The following SLC8A2 variants were observed in gnomAD, a reference collection of about 807,000 sequenced individuals.
The protein encoded by SLC8A2 is sodium/calcium exchanger 2.
In SLC8A2, 14 loss-of-function variants were observed where a neutral mutation model predicts 70.2. The observed-to-expected ratio is 0.20, with a 90% CI of 0.13 to 0.31. SLC8A2 has a LOEUF of 0.31. Among genes scored for constraint, SLC8A2 ranks in the 10% least tolerant of loss-of-function variants. SLC8A2 has a pLI of 1.00. For missense variants in SLC8A2, 779 were observed against 1,320.1 expected (o/e 0.59, Z 6.35); for synonymous variants, 575 against 594.3 (o/e 0.97, Z 0.47).
intron 1 of SLC8A2, 99 bp downstream of exon 1, chr19:47,471,690 G>A (rs1018417717): frequency 2.6e-5 from 4 of 152,042 alleles, no homozygotes; most frequent in Non-Finnish European, 4.4e-5. Flanking sequence ...CCAGCCCAGG[G>A]AAGCCAGCTC....
intron 2 of SLC8A2, among the ~76,000 whole-genome samples, 181 bp from the exon 3 acceptor site, chr19:47,457,775 C>CTT (rs774223167): frequency 0.021 from 2,953 of 141,896 alleles, 59 homozygotes; most frequent in Middle Eastern, 0.035. Context: ...TCCTTTCTTT[C>CTT]TTTTTCTTTT....
At chr19:47,451,469 T>A (rs1164686215) in intron 3 of SLC8A2, among the ~76,000 whole-genome samples, 1 of 151,852 alleles carries the variant, frequency 6.6e-6, no homozygotes, top group African/African-American at 2.4e-5. Context: ...CCACCACATC[T>A]GGCTAATTTT....
In SLC8A2 at chr19:47,466,383, C is replaced by A; in HGVS notation, c.21G>T (p.Val7=). Residue 7 remains valine (V), a synonymous_variant, in exon 2 of 10, where the codon GTG becomes GTT. Transcript: ENST00000236877. This position sits in a 1 kb window ranked among gnomAD's most constrained non-coding sequence, Gnocchi z 6.9. MAPLAL[V]GVTLLLAAPP... ...GAGCCGCCAGGAGGAGTGTGACCCCCACCAAGGCCAGGGGAGCCATGGGGG... is the reference window on the plus strand; with the variant it reads ...GAGCCGCCAGGAGGAGTGTGACCCCAACCAAGGCCAGGGGAGCCATGGGGG... 7.0e-7 allele frequency: 1 copy of A among 1,429,508 alleles called. No homozygotes were observed. Among genetic ancestry groups the A allele is most frequent in the Non-Finnish European group, 9.2e-7 (1 of 1,092,042 alleles). The allele number at this position is 1,429,508 out of a possible 1,614,324, so 88.6% of individuals were successfully genotyped here. A position where few individuals can be genotyped will look rare whatever the true frequency, so the allele number is the denominator to read the frequency against.
At chr19:47,452,054 G>C (rs1046306714) in intron 3 of SLC8A2, among the ~76,000 whole-genome samples, 18 of 152,110 alleles carry the variant, frequency 1.2e-4, no homozygotes, top group Non-Finnish European at 2.4e-4. Context: ...TTGACGTTGA[G>C]TTAACAGTAT....
At chr19:47,463,181 T>C (rs894455464) in intron 2 of SLC8A2, among the ~76,000 whole-genome samples, 21 of 151,594 alleles carry the variant, frequency 1.4e-4, no homozygotes, top group African/African-American at 4.8e-4. Flanking sequence ...CGCCTAGGCC[T>C]GAGTGCAGCG....
At chr19:47,456,797 A>C in intron 3 of SLC8A2, 133 bp downstream of exon 3, 1 of 936,546 alleles carries the variant, frequency 1.1e-6, no homozygotes, top group Non-Finnish European at 1.5e-6. Context: ...GCTCTCAGGA[A>C]TGAATGAATG....
rs745677614 is a variant in SLC8A2 at position 47,432,043 on chromosome 19, AT to A, written c.2389+123del. 1.1e-6 allele frequency: 1 copy of A among 913,384 alleles called. No homozygotes were observed. The highest frequency in any genetic ancestry group is 2.0e-5 in the South Asian group (1 of 49,798). 56.6% of individuals were successfully genotyped at this position (913,384 alleles called of 1,614,324 possible). A position where few individuals can be genotyped will look rare whatever the true frequency, so the allele number is the denominator to read the frequency against. On this transcript the variant is annotated intron_variant, in intron 9 of 9. Transcript: ENST00000236877. The surrounding 1 kb of genome is among the most constrained non-coding windows in gnomAD (Gnocchi z 6.2). Reference sequence around the variant, plus strand: ...GGCTTCTATTATGCCCCACCTCCGTATTTCTCTGAGACCCACCACATGGGCG... The same window carrying A: ...GGCTTCTATTATGCCCCACCTCCGTATTCTCTGAGACCCACCACATGGGCG...
Position 47,465,702 on chromosome 19 carries a change from A to T in SLC8A2, c.675+27T>A. On this transcript the variant is annotated intron_variant, in intron 2 of 9. Transcript: ENST00000236877. This position sits in a 1 kb window ranked among gnomAD's most constrained non-coding sequence, Gnocchi z 5.5. ...GGATTTTGCAGACACACATGCACCA[A>T]GAAAGCATCTATGCGTCTTTGCTCA... 6.4e-7 allele frequency: 1 copy of T among 1,572,334 alleles called. No individual in the cohort carries two copies.
chr19:47,432,616 G>A lies in SLC8A2; in HGVS notation c.2111-171C>T. On this transcript the variant is annotated intron_variant, in intron 8 of 9. Transcript: ENST00000236877. This position sits in a 1 kb window ranked among gnomAD's most constrained non-coding sequence, Gnocchi z 6.2. Reference sequence around the variant, plus strand: ...ACTGCTAAAAACAGTTACTTTCCCAGAATCCCTTGAAGCTAGGAGCTTGAT... The same window carrying A: ...ACTGCTAAAAACAGTTACTTTCCCAAAATCCCTTGAAGCTAGGAGCTTGAT... 1 of 584,978 alleles carries A rather than the reference G, an allele frequency of 1.7e-6. No individual in the cohort carries two copies. The highest frequency in any genetic ancestry group is 2.9e-6 in the Non-Finnish European group (1 of 348,970). The allele number at this position is 584,978 out of a possible 1,614,324, so 36.2% of individuals were successfully genotyped here.
intron 3 of SLC8A2, among the ~76,000 whole-genome samples, chr19:47,455,298 G>A (rs1967291728): frequency 6.6e-6 from 1 of 152,122 alleles, no homozygotes; most frequent in South Asian, 2.1e-4. Context: ...GATTAAAGGG[G>A]GATGTGTCAG....
Position 47,432,177 on chromosome 19 carries a change from G to A in SLC8A2, c.2379C>T (p.Thr793=), listed in dbSNP as rs764356102. Residue 793 remains threonine (T), a synonymous_variant, in exon 9 of 10, where the codon ACC becomes ACT. Coordinates refer to ENST00000236877, the MANE Select transcript of SLC8A2 (RefSeq NM_015063.3). This position sits in a 1 kb window ranked among gnomAD's most constrained non-coding sequence, Gnocchi z 6.2. The part of the protein sequence containing the change: ...VNAVVFVALG[T]SIPDTFASKV... Reference sequence around the variant, plus strand: ...CTCCCAGGGTGTTACCAGGGATGGAGGTGCCCAGGGCAACGAAGACAACAG... The same window carrying A: ...CTCCCAGGGTGTTACCAGGGATGGAAGTGCCCAGGGCAACGAAGACAACAG... 1.2e-5 allele frequency: 19 copies of A among 1,609,364 alleles called. No individual in the cohort carries two copies. Among genetic ancestry groups the A allele is most frequent in the Admixed American group, 1.2e-4 (7 of 59,732 alleles).
chr19:47,437,553 C>G lies in SLC8A2; in HGVS notation c.2019G>C (p.Val673=). 1 of 1,612,968 alleles carries G rather than the reference C, an allele frequency of 6.2e-7. No homozygotes were observed. Among genetic ancestry groups the G allele is most frequent in the Non-Finnish European group, 8.5e-7 (1 of 1,179,048 alleles). ...IEESYDFKNT[V]DKLIKKTNLA... ...AGTTCGTTTTCTTGATGAGTTTATC[C>G]ACCGTGTTCTGGGGATGAGAGGGTG... Residue 673 remains valine (V), a synonymous_variant, in exon 8 of 10, where the codon GTG becomes GTC. Coordinates refer to ENST00000236877, the MANE Select transcript of SLC8A2 (RefSeq NM_015063.3).
intron 3 of SLC8A2, among the ~76,000 whole-genome samples, chr19:47,455,288 G>A (rs1967291650): frequency 1.3e-5 from 2 of 152,158 alleles, no homozygotes; most frequent in Admixed American, 1.3e-4. Context: ...CCAGGGAGAA[G>A]ATTAAAGGGG....
chr19:47,439,657 C>CCTTCCT (rs1967076378), intron 6 of SLC8A2, among the ~76,000 whole-genome samples: 1 of 151,010 alleles, frequency 6.6e-6, no homozygotes, highest in African/African-American at 2.4e-5. Flanking sequence ...CTCCCTCCCT[C>CCTTCCT]TCTCTCTCTC....
In SLC8A2 at chr19:47,432,266, C is replaced by T. The variant is rs776476080; in HGVS notation, c.2290G>A (p.Ala764Thr). 11 of 1,613,988 alleles carry T rather than the reference C, an allele frequency of 6.8e-6. No individual in the cohort carries two copies. The highest frequency in any genetic ancestry group is 2.2e-5 in the East Asian group (1 of 44,874). ...TGGGAGGCGAGGTCCCCAATGAGGG[C>T]GGTGAGCAGGCCGATGACCAGGATG... ...VSILVIGLLT[A>T]LIGDLASHFG... Residue 764 changes from alanine to threonine, a missense_variant, in exon 9 of 10, where the codon GCC (alanine) becomes ACC (threonine). This residue lies in a region of SLC8A2 where 108 missense variants were observed against 269.6 expected (regional missense o/e 0.40). Coordinates refer to ENST00000236877, the MANE Select transcript of SLC8A2 (RefSeq NM_015063.3). This position sits in a 1 kb window ranked among gnomAD's most constrained non-coding sequence, Gnocchi z 6.2.
chr19:47,451,297 C>A (rs911254997), intron 3 of SLC8A2, among the ~76,000 whole-genome samples: 1 of 148,492 alleles, frequency 6.7e-6, no homozygotes, highest in South Asian at 2.1e-4. Flanking sequence ...CATAAGCCAC[C>A]GCGCCCAGAC....
intron 9 of SLC8A2, among the ~76,000 whole-genome samples, chr19:47,431,377 G>A (rs536547331): frequency 3.9e-5 from 6 of 151,970 alleles, no homozygotes; most frequent in Admixed American, 3.9e-4. Flanking sequence ...TTGGCCAGGC[G>A]TGGTGGCTCA....
intron 3 of SLC8A2, among the ~76,000 whole-genome samples, chr19:47,452,415 A>ATG: frequency 2.1e-5 from 2 of 97,458 alleles, no homozygotes; most frequent in African/African-American, 8.4e-5. Context: ...AGAGAGAGAG[A>ATG]GAGAGAGAGA....
intron 3 of SLC8A2, among the ~76,000 whole-genome samples, chr19:47,454,566 C>T (rs1472006479): frequency 6.6e-6 from 1 of 152,034 alleles, no homozygotes; most frequent in African/African-American, 2.4e-5. Context: ...GTGGGAGGAT[C>T]AGTTTAGCCC....
Sources: gnomAD v4.1 joint callset for allele counts (sites outside exome capture counted in the v4.1 genomes callset) on GRCh38, gnomAD v4.1.1 for gene constraint, gnomAD v4.1.1 regional missense constraint, Gnocchi (gnomAD v3.1) non-coding constraint, MANE v1.5 for transcripts, NCBI Gene and HGNC (gene_info 2026-07-23, HGNC 2026-07-21) for gene names.